The following PLEKHG5 variants were observed in gnomAD, a reference collection of about 807,000 sequenced individuals.
PLEKHG5 encodes the protein pleckstrin homology and RhoGEF domain containing G5.
A neutral mutation model predicts 103.8 loss-of-function variants in PLEKHG5; 52 were observed. The observed-to-expected ratio is 0.50, with a 90% CI of 0.40 to 0.63. The LOEUF (loss-of-function observed/expected upper bound fraction) is 0.63. Among genes scored for constraint, PLEKHG5 ranks in the 30% least tolerant of loss-of-function variants. The probability of loss-of-function intolerance (pLI) is 0.00; values close to 1 mark genes in which losing one functional copy is unlikely to be tolerated. For synonymous variants in PLEKHG5, 592 were observed against 575.5 expected (o/e 1.03, Z -0.41); for missense variants, 1,205 against 1,347.6 (o/e 0.89, Z 1.66).
upstream of PLEKHG5, among the ~76,000 whole-genome samples, chr1:6,494,413 G>T (rs895021437): frequency 1.3e-5 from 2 of 151,910 alleles, no homozygotes; most frequent in Non-Finnish European, 2.9e-5. Context: ...TTACAGGTGT[G>T]AGCCACCACG....
upstream of PLEKHG5, chr1:6,497,283 C>A (rs761129233): frequency 6.1e-4 from 577 of 944,152 alleles, 1 homozygote; most frequent in African/African-American, 7.7e-3. The surrounding 1 kb of genome is among the most constrained non-coding windows in gnomAD (Gnocchi z 6.1). Context: ...CCCCCAGGAC[C>A]CCGCCCCGCG....
At chr1:6,470,680 T>TG in intron 14 of PLEKHG5, 37 bp from the exon 15 acceptor site, 1 of 1,554,834 alleles carries the variant, frequency 6.4e-7, no homozygotes, top group Non-Finnish European at 8.7e-7. Flanking sequence ...TCCAGGGTCA[T>TG]GACGGAGCAG....
intron 15 of PLEKHG5, 55 bp downstream of exon 15, chr1:6,470,451 C>A: frequency 6.2e-7 from 1 of 1,611,494 alleles, no homozygotes; most frequent in Non-Finnish European, 8.5e-7. Flanking sequence ...CCCCTGCCTG[C>A]CAGCTGGGCC....
intron 1 of PLEKHG5, among the ~76,000 whole-genome samples, chr1:6,481,217 G>C (rs1644888147): frequency 1.3e-5 from 2 of 152,134 alleles, no homozygotes; most frequent in African/African-American, 4.8e-5. Context: ...CCCTCCAAGG[G>C]TTCCCATCTC....
At position 6,487,996 on chromosome 1, in the gene PLEKHG5, A is replaced by C. The variant is rs2986739; in HGVS notation, c.-88+3641T>G. Among the ~76,000 whole-genome samples, 1 of 152,046 alleles carries C rather than the reference A, an allele frequency of 6.6e-6. No individual in the cohort carries two copies. Among genetic ancestry groups the C allele is most frequent in the East Asian group, 1.9e-4 (1 of 5,180 alleles). ...CAGGATATCCCTTCCTGTGGCCGAC[A>C]GTCAACAGAGCCTTCCCCACTGCCA... is the stretch of plus-strand genomic sequence containing the variant. On this transcript the variant is annotated intron_variant, in intron 1 of 20. Transcript: ENST00000377728. The surrounding 1 kb of genome is among the most constrained non-coding windows in gnomAD (Gnocchi z 4.1).
intron 10 of PLEKHG5, 137 bp downstream of exon 10, chr1:6,472,390 C>T (rs752010023): frequency 5.4e-5 from 39 of 720,794 alleles, no homozygotes; most frequent in Admixed American, 1.0e-4. Context: ...CCTCCCTGGG[C>T]GCAGCCCTTG....
At chr1:6,498,679 G>A (rs1455805729), upstream of PLEKHG5, among the ~76,000 whole-genome samples, 1 of 152,132 alleles carries the variant, frequency 6.6e-6, no homozygotes, top group Non-Finnish European at 1.5e-5. Flanking sequence ...GGGGCCTCCA[G>A]GCTGAGAGGG....
upstream of PLEKHG5, among the ~76,000 whole-genome samples, chr1:6,492,596 C>T (rs1180662065): frequency 6.6e-6 from 1 of 152,146 alleles, no homozygotes; most frequent in African/African-American, 2.4e-5. Flanking sequence ...CCCCCACTCC[C>T]AGGACACCTT....
At chr1:6,515,804 C>G (rs1218939594) in intron 1 of PLEKHG5, among the ~76,000 whole-genome samples, 9 of 152,186 alleles carry the variant, frequency 5.9e-5, no homozygotes, top group Non-Finnish European at 7.3e-5. Flanking sequence ...CCCAGAGTCC[C>G]CTACCGCTGC....
chr1:6,484,346 G>A (rs934609521), intron 1 of PLEKHG5, among the ~76,000 whole-genome samples: 6 of 152,272 alleles, frequency 3.9e-5, no homozygotes, highest in East Asian at 3.9e-4. Flanking sequence ...GCCCAGGCCC[G>A]GCTGACCTCA....
Position 6,470,230 on chromosome 1 carries a change from A to T in PLEKHG5, c.1800+6T>A, listed in dbSNP as rs1229172011. 15 of 1,613,788 alleles carry T rather than the reference A, an allele frequency of 9.3e-6. No individual in the cohort carries two copies. Among genetic ancestry groups the T allele is most frequent in the Non-Finnish European group, 1.3e-5 (15 of 1,179,930 alleles). ...GGGCACAGGGGTGGGGTGGCCCTGG[A>T]ATCACCTTGCTGTCCTTCCCCTCCT... On this transcript the variant is annotated splice_donor_region_variant and intron_variant, in intron 16 of 20. Transcript: ENST00000377728.
Position 6,473,166 on chromosome 1 carries a change from G to C in PLEKHG5, c.804C>G (p.Asp268Glu). The C allele has an allele frequency of 6.2e-7, 1 of 1,613,816 alleles. No homozygotes were observed. ...PSTSAFGREVDKMEQLEGKLH... is the reference protein window; with the variant it reads ...PSTSAFGREVEKMEQLEGKLH... ...GCTTGCCCTCCAGCTGCTCCATCTT[G>C]TCTACCTCCTGGAAAGATACCCTGG... The change falls in exon 9 of 21, where the codon GAC (aspartate) becomes GAG (glutamate). Residue 268 changes from aspartate (D) to glutamate (E), a missense_variant. Transcript: ENST00000377728.
rs1202835779 is a variant in PLEKHG5, at chr1:6,490,500, G to A, written c.-88+1137C>T. On this transcript the variant is annotated intron_variant, in intron 1 of 20. Transcript: ENST00000377728. The surrounding 1 kb of genome is among the most constrained non-coding windows in gnomAD (Gnocchi z 8.0). ...TGTCTAAGGCTCTAAGGCTCGGGCC[G>A]AGACTGCCAAAGCCTCATGGGGCGC... The A allele has an allele frequency of 2.0e-6, 2 of 985,254 alleles. No individual in the cohort carries two copies. Among genetic ancestry groups the A allele is most frequent in the East Asian group, 1.1e-4 (1 of 8,788 alleles). 61.0% of individuals were successfully genotyped at this position (985,254 alleles called of 1,614,324 possible). A position where few individuals can be genotyped will look rare whatever the true frequency, so the allele number is the denominator to read the frequency against.
rs573561537 is a variant in PLEKHG5, at chr1:6,467,998, G to C, written c.2838C>G (p.Ala946=). 3.2e-6 allele frequency: 5 copies of C among 1,553,988 alleles called. No homozygotes were observed. In the Admixed American group the frequency reaches 7.7e-5, roughly 24 times the overall value. ...TCCTGTGGGAGCCTGCAGGTTCCCC[G>C]GCCAGGCAGCCGACTAGCCCAGGAC... ...GSGPGLVGCL[A]GEPAGSHRKR... Residue 946 remains alanine (A), a synonymous_variant, in exon 20 of 21, where the codon GCC becomes GCG. Transcript: ENST00000377728.
At chr1:6,519,708 C>G in exon 1 of PLEKHG5, 1 of 628,818 alleles carries the variant, frequency 1.6e-6, no homozygotes, top group Non-Finnish European at 2.8e-6. Flanking sequence ...AAGGCGCTCT[C>G]AGCCCTGCCA....
Position 6,491,648 on chromosome 1 carries a change from C to A in PLEKHG5, c.-99G>T. On this transcript the variant is annotated 5_prime_UTR_variant, in exon 1 of 21. Transcript: ENST00000377728. The surrounding 1 kb of genome is among the most constrained non-coding windows in gnomAD (Gnocchi z 4.1). ...CTCCCATTACTCACATCCTGCCCGT[C>A]CCTTCTCCATGGGGGCCTCAGGTCC... 1.0e-6 allele frequency: 1 copy of A among 985,390 alleles called. No homozygotes were observed. Among genetic ancestry groups the A allele is most frequent in the Non-Finnish European group, 1.2e-6 (1 of 829,832 alleles). The allele number at this position is 985,390 out of a possible 1,614,324, so 61.0% of individuals were successfully genotyped here.
At chr1:6,510,205 G>A (rs1406351605) in intron 1 of PLEKHG5, among the ~76,000 whole-genome samples, 1 of 152,160 alleles carries the variant, frequency 6.6e-6, no homozygotes, top group Non-Finnish European at 1.5e-5. Flanking sequence ...GAGAGTGGGC[G>A]CTAGCCACTC....
upstream of PLEKHG5, among the ~76,000 whole-genome samples, chr1:6,498,460 T>TC (rs908181621): frequency 7.2e-5 from 11 of 152,204 alleles, no homozygotes; most frequent in African/African-American, 2.4e-4. Flanking sequence ...TCCTGAGCTC[T>TC]CTGGATTCAT....
intron 1 of PLEKHG5, among the ~76,000 whole-genome samples, chr1:6,502,453 C>T (rs887322416): frequency 2.0e-5 from 3 of 152,192 alleles, no homozygotes; most frequent in Admixed American, 1.3e-4. Flanking sequence ...CCACACTGCT[C>T]GAGCTCAGTA....
Sources: gnomAD v4.1 joint callset for allele counts (sites outside exome capture counted in the v4.1 genomes callset) on GRCh38, gnomAD v4.1.1 for gene constraint, Gnocchi (gnomAD v3.1) non-coding constraint, MANE v1.5 for transcripts, NCBI Gene and HGNC (gene_info 2026-07-23, HGNC 2026-07-21) for gene names.